The following TNFRSF8 variants were observed in gnomAD, a reference collection of about 807,000 sequenced individuals.
TNFRSF8 encodes the protein tumor necrosis factor receptor superfamily member 8.
TNFRSF8 carries 26 observed loss-of-function variants against 70.8 expected under a neutral mutation model. That is an observed-to-expected ratio of 0.37 (90% confidence interval 0.27 to 0.51). The LOEUF is 0.51. TNFRSF8 is among the 20% of genes least tolerant of loss of function. The pLI, the probability that TNFRSF8 is intolerant of heterozygous loss-of-function variation, is 0.94. For synonymous variants in TNFRSF8, 356 were observed against 339.2 expected (o/e 1.05, Z -0.54); for missense variants, 720 against 807.9 (o/e 0.89, Z 1.32).
chr1:12,075,671 A>C (rs374286551), intron 1 of TNFRSF8, among the ~76,000 whole-genome samples: 1 of 152,230 alleles, frequency 6.6e-6, no homozygotes. Context: ...ACATATGTGA[A>C]TATATCACCC....
At chr1:12,086,918 G>T (rs944695217) in intron 2 of TNFRSF8, among the ~76,000 whole-genome samples, 8 of 151,876 alleles carry the variant, frequency 5.3e-5, no homozygotes, top group Non-Finnish European at 1.0e-4. Context: ...GTCACACTGG[G>T]GTTAGGGTTT....
intron 12 of TNFRSF8, among the ~76,000 whole-genome samples, chr1:12,135,008 G>C (rs1222534836): frequency 6.6e-6 from 1 of 152,050 alleles, no homozygotes; most frequent in Non-Finnish European, 1.5e-5. Flanking sequence ...GTGTTCATTG[G>C]TTTAGTCATT....
chr1:12,111,780 C>T, intron 6 of TNFRSF8, 118 bp from the exon 7 acceptor site: 1 of 794,154 alleles, frequency 1.3e-6, no homozygotes, highest in Admixed American at 2.0e-5. Context: ...CTGGACTGAG[C>T]TGACATGCGG....
intron 1 of TNFRSF8, among the ~76,000 whole-genome samples, chr1:12,078,477 T>C (rs982974531): frequency 1.3e-5 from 2 of 152,112 alleles, no homozygotes; most frequent in African/African-American, 4.8e-5. Context: ...GGCAGGAGAA[T>C]TGCTTGAACG....
intron 2 of TNFRSF8, among the ~76,000 whole-genome samples, chr1:12,093,849 A>G (rs1258869137): frequency 1.3e-5 from 2 of 151,200 alleles, no homozygotes; most frequent in Non-Finnish European, 2.9e-5. Context: ...GGCGGGACGG[A>G]TCATGAGGTC....
intron 3 of TNFRSF8, among the ~76,000 whole-genome samples, chr1:12,099,878 T>C (rs1641389819): frequency 6.6e-6 from 1 of 151,972 alleles, no homozygotes; most frequent in African/African-American, 2.4e-5. Flanking sequence ...GCAATAAAAA[T>C]ACGACATAGG....
intron 14 of TNFRSF8, among the ~76,000 whole-genome samples, chr1:12,139,169 C>T (rs534949152): frequency 3.3e-5 from 5 of 152,258 alleles, no homozygotes; most frequent in South Asian, 2.1e-4. Context: ...GCACTCCTGC[C>T]GAGAAGCCTC....
At chr1:12,130,275 C>G (rs1420437917) in intron 12 of TNFRSF8, among the ~76,000 whole-genome samples, 2 of 152,196 alleles carry the variant, frequency 1.3e-5, no homozygotes. Flanking sequence ...CTGTTCTGTT[C>G]AATGGGTTGT....
intron 8 of TNFRSF8, 34 bp from the exon 9 acceptor site, chr1:12,123,250 G>GC: frequency 2.5e-6 from 4 of 1,575,246 alleles, no homozygotes; most frequent in Non-Finnish European, 3.5e-6. Context: ...AGCCTCCTTG[G>GC]CGCTGGTTCT....
intron 12 of TNFRSF8, among the ~76,000 whole-genome samples, chr1:12,134,816 G>A (rs919756447): frequency 3.3e-5 from 5 of 152,172 alleles, no homozygotes; most frequent in South Asian, 4.1e-4. Flanking sequence ...CTCCATGTGG[G>A]TTTTGCCTGG....
chr1:12,087,578 C>G (rs901974532), intron 2 of TNFRSF8, among the ~76,000 whole-genome samples: 8 of 152,220 alleles, frequency 5.3e-5, no homozygotes, highest in African/African-American at 1.2e-4. Flanking sequence ...CCTTGCTAGC[C>G]TGATGGTTGG....
rs1641679635 is a variant in TNFRSF8, at chr1:12,113,937, G to A, written c.794-1640G>A. The stretch of plus-strand genomic sequence containing the variant: ...TACTTCTTGACAGGTAGGTGGCAAA[G>A]GCTCTGGAAGGGCCAGAACATCACT... On this transcript the variant is annotated intron_variant, in intron 7 of 14. Transcript: ENST00000263932. The surrounding 1 kb of genome is among the most constrained non-coding windows in gnomAD (Gnocchi z 4.9). Among the ~76,000 whole-genome samples the A allele has an allele frequency of 6.6e-6, 1 of 152,212 alleles. No homozygotes were observed. Among genetic ancestry groups the A allele is most frequent in the African/African-American group, 2.4e-5 (1 of 41,454 alleles).
intron 12 of TNFRSF8, among the ~76,000 whole-genome samples, chr1:12,128,530 C>T (rs577360469): frequency 6.6e-6 from 1 of 152,348 alleles, no homozygotes; most frequent in African/African-American, 2.4e-5. Flanking sequence ...CCCCGTTGCA[C>T]AGATTAGCAG....
At chr1:12,117,450 GC>G (rs1352605276) in intron 8 of TNFRSF8, among the ~76,000 whole-genome samples, 2 of 152,162 alleles carry the variant, frequency 1.3e-5, no homozygotes, top group Non-Finnish European at 2.9e-5. Context: ...CTAGTGGGGT[GC>G]TGTCACTCTG....
chr1:12,125,960 T>C lies in TNFRSF8; in HGVS notation c.1163T>C (p.Leu388Pro). Residue 388 changes from leucine (L) to proline (P), a missense_variant, in exon 11 of 15, where the codon CTC becomes CCC. Physicochemically the swap from Leu to Pro is moderately conservative, Grantham distance 98. Coordinates refer to ENST00000263932, the MANE Select transcript of TNFRSF8 (RefSeq NM_001243.5). ...GKPVLDAGPV[L>P]FWVILVLVVV... ...CGTCTCTGTGTTCCAGGGCCAGTGC[T>C]CTTCTGGGTGATCCTGGTGTTGGTT... 2 of 1,614,024 alleles carry C rather than the reference T, an allele frequency of 1.2e-6. No homozygotes were observed. Among genetic ancestry groups the C allele is most frequent in the Non-Finnish European group, 1.7e-6 (2 of 1,179,938 alleles).
intron 8 of TNFRSF8, among the ~76,000 whole-genome samples, chr1:12,118,158 T>A (rs1369468969): frequency 7.0e-6 from 1 of 142,182 alleles, no homozygotes; most frequent in Non-Finnish European, 1.5e-5. Context: ...TTGCCCAGGC[T>A]GGAGTGCAGT....
chr1:12,144,121 C>A lies in TNFRSF8; in HGVS notation c.*1590C>A, dbSNP rs533979972. The A allele has an allele frequency of 6.6e-6, 1 of 152,334 alleles. No individual in the cohort carries two copies. Among genetic ancestry groups the A allele is most frequent in the Non-Finnish European group, 1.5e-5 (1 of 68,034 alleles). 9.4% of individuals were successfully genotyped at this position (152,334 alleles called of 1,614,324 possible). A position where few individuals can be genotyped will look rare whatever the true frequency, so the allele number is the denominator to read the frequency against. On this transcript the variant is annotated 3_prime_UTR_variant, in exon 15 of 15. Coordinates refer to ENST00000263932, the MANE Select transcript of TNFRSF8 (RefSeq NM_001243.5). The stretch of plus-strand genomic sequence containing the variant: ...CATGATGGGAGGGATTGACATGTTT[C>A]AACAAAATAATGCACTTCCTTACCT...
rs927253472 is a variant in TNFRSF8 at position 12,122,699 on chromosome 1, G to GA, written c.947-578dup. 1.3e-5 allele frequency among the ~76,000 whole-genome samples: 2 copies of GA among 151,940 alleles called. 1 individual carries two copies. The highest frequency in any genetic ancestry group is 2.9e-5 in the Non-Finnish European group (2 of 67,968). ...ATTCCTTAATAAAGTTGATTTAAAA[G>GA]AAAAAAACTTTAAAAATTGAGGCTG... On this transcript the variant is annotated intron_variant, in intron 8 of 14. Coordinates refer to ENST00000263932, the MANE Select transcript of TNFRSF8 (RefSeq NM_001243.5).
rs780195043 is a variant in TNFRSF8, at chr1:12,125,939, T to C, written c.1154-12T>C. Reference sequence around the variant, plus strand: ...AGCAAGGCAAAGAGTGTGGGGCGTCTCTGTGTTCCAGGGCCAGTGCTCTTC... The same window carrying C: ...AGCAAGGCAAAGAGTGTGGGGCGTCCCTGTGTTCCAGGGCCAGTGCTCTTC... On this transcript the variant is annotated splice_polypyrimidine_tract_variant and intron_variant, in intron 10 of 14. Transcript: ENST00000263932. 2 of 1,612,096 alleles carry C rather than the reference T, an allele frequency of 1.2e-6. No individual in the cohort carries two copies. Among genetic ancestry groups the C allele is most frequent in the Admixed American group, 1.7e-5 (1 of 60,010 alleles).
Sources: allele counts gnomAD v4.1 joint callset (sites outside exome capture counted in the v4.1 genomes callset), GRCh38; gene constraint gnomAD v4.1.1; non-coding constraint Gnocchi (gnomAD v3.1); transcripts MANE v1.5; gene names NCBI Gene and HGNC (gene_info 2026-07-23, HGNC 2026-07-21).